The following BCAR3 variants were observed in gnomAD, a reference collection of about 807,000 sequenced individuals.
The protein encoded by BCAR3 is breast cancer anti-estrogen resistance protein 3.
A neutral mutation model predicts 80.1 loss-of-function variants in BCAR3; 37 were observed. The ratio of observed to expected loss-of-function variants is 0.46; its 90% CI spans 0.36 to 0.61. The LOEUF is 0.61. BCAR3 is among the 20% of genes least tolerant of loss of function. The pLI is 0.00. For missense variants in BCAR3, 978 were observed against 1,068.2 expected, an observed-to-expected ratio of 0.92 and a Z score of 1.18; for synonymous variants, 389 against 418.9, an observed-to-expected ratio of 0.93 and a Z score of 0.87.
chr1:93,677,612 A>C (rs1355865927), intron 1 of BCAR3, among the ~76,000 whole-genome samples: 1 of 152,200 alleles, frequency 6.6e-6, no homozygotes. Flanking sequence ...AAGGGAGAGA[A>C]AGGAGAGAGT....
At chr1:93,716,766 G>A (rs1650204304) in intron 2 of BCAR3, among the ~76,000 whole-genome samples, 1 of 152,254 alleles carries the variant, frequency 6.6e-6, no homozygotes, top group Admixed American at 6.5e-5. Flanking sequence ...AAAGGAACTT[G>A]TGGGATTTGT....
intron 2 of BCAR3, among the ~76,000 whole-genome samples, chr1:93,821,322 C>G (rs1031296186): frequency 2.9e-4 from 44 of 152,212 alleles, no homozygotes; most frequent in African/African-American, 1.1e-3. Flanking sequence ...CTGACCTCAC[C>G]AAGGAGATGA....
In BCAR3 at chr1:93,567,324, C is replaced by T. The variant is rs201785778; in HGVS notation, c.2254G>A (p.Glu752Lys). The change falls in exon 11 of 12, where the codon GAG becomes AAG. Residue 752 changes from glutamate (E) to lysine (K), a missense_variant. By Grantham distance (56) the Glu-to-Lys change is moderately conservative. Coordinates refer to ENST00000260502, the MANE Select transcript of BCAR3 (RefSeq NM_003567.4). ...NHLATARFMA[E>K]AADSYRMNAE... Reference sequence around the variant, plus strand: ...TTCATCCGGTAGCTGTCTGCAGCCTCGGCCATGAATCGCGCTGTTGCCAAA... The same window carrying T: ...TTCATCCGGTAGCTGTCTGCAGCCTTGGCCATGAATCGCGCTGTTGCCAAA... The T allele has an allele frequency of 3.3e-5, 53 of 1,614,060 alleles. No individual in the cohort carries two copies. Among genetic ancestry groups the T allele is most frequent in the Non-Finnish European group, 2.1e-5 (25 of 1,180,046 alleles).
intron 2 of BCAR3, among the ~76,000 whole-genome samples, chr1:93,657,164 C>T (rs960623147): frequency 1.4e-4 from 22 of 152,100 alleles, no homozygotes; most frequent in African/African-American, 4.8e-4. Flanking sequence ...AGACTTGACC[C>T]GTGGTTATGG....
intron 2 of BCAR3, among the ~76,000 whole-genome samples, chr1:93,655,281 T>C (rs1647315908): frequency 6.6e-6 from 1 of 152,048 alleles, no homozygotes; most frequent in Admixed American, 6.5e-5. Flanking sequence ...TGCAGCAGCA[T>C]GGAAATCAGA....
chr1:93,618,919 C>T (rs1570975305), intron 3 of BCAR3, among the ~76,000 whole-genome samples: 4 of 147,488 alleles, frequency 2.7e-5, no homozygotes. Flanking sequence ...AGCCTGAAGC[C>T]GTGGGTTTTT....
At chr1:93,805,073 C>G (rs937993506) in intron 2 of BCAR3, among the ~76,000 whole-genome samples, 1 of 152,178 alleles carries the variant, frequency 6.6e-6, no homozygotes, top group Non-Finnish European at 1.5e-5. Context: ...GGATCTTCAT[C>G]ATAACATTGT....
At chr1:93,847,156 T>A (rs1422575302), upstream of BCAR3, 1 of 214,048 alleles carries the variant, frequency 4.7e-6, no homozygotes, top group Non-Finnish European at 9.7e-6. Flanking sequence ...GGCTTAACGG[T>A]GCAACGGCTG....
At chr1:93,762,927 C>G (rs1396097271) in intron 2 of BCAR3, among the ~76,000 whole-genome samples, 1 of 152,192 alleles carries the variant, frequency 6.6e-6, no homozygotes, top group Non-Finnish European at 1.5e-5. Context: ...CATCTCTTGT[C>G]AAATGACCAC....
intron 2 of BCAR3, 61 bp from the exon 3 acceptor site, chr1:93,642,404 T>C: frequency 2.7e-6 from 4 of 1,472,712 alleles, no homozygotes; most frequent in Non-Finnish European, 3.8e-6. Flanking sequence ...ACATTGAGTA[T>C]AATGTGTCCA....
chr1:93,635,146 G>T (rs1182506123), intron 3 of BCAR3, among the ~76,000 whole-genome samples: 1 of 152,044 alleles, frequency 6.6e-6, no homozygotes, highest in Non-Finnish European at 1.5e-5. Context: ...CCCGAGACCA[G>T]AAGTTTGAGG....
chr1:93,770,022 C>A (rs565708772), intron 2 of BCAR3, among the ~76,000 whole-genome samples: 2 of 152,118 alleles, frequency 1.3e-5, no homozygotes, highest in Non-Finnish European at 2.9e-5. Context: ...CCAGTGGAGG[C>A]TGGACTTTAT....
chr1:93,703,045 C>T (rs996334065), intron 3 of BCAR3, among the ~76,000 whole-genome samples: 2 of 152,146 alleles, frequency 1.3e-5, no homozygotes, highest in Non-Finnish European at 2.9e-5. Context: ...CAGAAGAGCT[C>T]ACAGGTGTGT....
At chr1:93,706,396 C>A (rs1649829262) in intron 2 of BCAR3, among the ~76,000 whole-genome samples, 1 of 152,166 alleles carries the variant, frequency 6.6e-6, no homozygotes, top group African/African-American at 2.4e-5. Context: ...CAGTGACTCA[C>A]AGGACAGCAG....
At chr1:93,611,328 G>T (rs1557859607) in intron 3 of BCAR3, among the ~76,000 whole-genome samples, 1 of 152,142 alleles carries the variant, frequency 6.6e-6, no homozygotes, top group Non-Finnish European at 1.5e-5. Context: ...CTTATGCATG[G>T]ACTTTACATT....
intron 5 of BCAR3, among the ~76,000 whole-genome samples, chr1:93,584,511 C>CCTAA (rs1451080699): frequency 6.6e-6 from 1 of 152,202 alleles, no homozygotes; most frequent in East Asian, 1.9e-4. Flanking sequence ...GAATGGCTTG[C>CCTAA]CTAACTAACA....
intron 4 of BCAR3, 38 bp from the exon 5 acceptor site, chr1:93,589,457 A>G: frequency 6.5e-7 from 1 of 1,542,536 alleles, no homozygotes; most frequent in Non-Finnish European, 8.8e-7. Flanking sequence ...TAGGAAAGGC[A>G]AATTCACATT....
intron 2 of BCAR3, among the ~76,000 whole-genome samples, chr1:93,755,272 T>A (rs1571099811): frequency 6.6e-6 from 1 of 152,216 alleles, no homozygotes; most frequent in South Asian, 2.1e-4. Flanking sequence ...AATAAAGTTT[T>A]AAAATAAATT....
At chr1:93,739,355 G>A (rs867820102) in intron 2 of BCAR3, among the ~76,000 whole-genome samples, 1 of 151,656 alleles carries the variant, frequency 6.6e-6, no homozygotes, top group African/African-American at 2.4e-5. Flanking sequence ...TAATAGAAGG[G>A]GTGCCTAGAT....
Sources: allele counts gnomAD v4.1 joint callset (sites outside exome capture counted in the v4.1 genomes callset), GRCh38; gene constraint gnomAD v4.1.1; transcripts MANE v1.5; gene names NCBI Gene and HGNC (gene_info 2026-07-23, HGNC 2026-07-21).